SMOC1: variants seen among roughly 807,000 people sequenced by gnomAD.
SMOC1 encodes SPARC related modular calcium binding 1, also known as SPARC-related modular calcium-binding protein 1.
In SMOC1, 22 loss-of-function variants were observed where a neutral mutation model predicts 56.3. The observed-to-expected ratio is 0.39, with a 90% CI of 0.28 to 0.56. SMOC1 has a LOEUF of 0.56. SMOC1 is among the 20% of genes least tolerant of loss of function. The probability of loss-of-function intolerance (pLI) is 0.61; values close to 1 mark genes in which losing one functional copy is unlikely to be tolerated. For missense variants in SMOC1, 509 were observed against 565.4 expected (o/e 0.90, Z 1.01); for synonymous variants, 193 against 215.0 (o/e 0.90, Z 0.89).
At chr14:69,881,102 G>A (rs947901377) in intron 1 of SMOC1, among the ~76,000 whole-genome samples, 6 of 152,240 alleles carry the variant, frequency 3.9e-5, no homozygotes, top group African/African-American at 9.6e-5. Flanking sequence ...GATCCAGGGC[G>A]TGTCATAAAT....
At chr14:69,888,011 G>C (rs191590408) in intron 1 of SMOC1, among the ~76,000 whole-genome samples, 224 of 152,256 alleles carry the variant, frequency 1.5e-3, no homozygotes, top group African/African-American at 5.3e-3. Flanking sequence ...CTTTCTCTCT[G>C]GGCCACATAG....
At chr14:69,964,991 A>G (rs1281249910) in intron 3 of SMOC1, among the ~76,000 whole-genome samples, 1 of 152,184 alleles carries the variant, frequency 6.6e-6, no homozygotes, top group East Asian at 1.9e-4. Flanking sequence ...ACTAGGGCAT[A>G]TTCAGGAGGG....
At chr14:69,898,960 A>G (rs375270323) in intron 1 of SMOC1, among the ~76,000 whole-genome samples, 2 of 152,150 alleles carry the variant, frequency 1.3e-5, no homozygotes, top group Non-Finnish European at 1.5e-5. Flanking sequence ...GAAGCATTCT[A>G]TAGTCCTATG....
chr14:69,898,522 A>G (rs1261951796), intron 1 of SMOC1, among the ~76,000 whole-genome samples: 2 of 151,160 alleles, frequency 1.3e-5, no homozygotes, highest in Non-Finnish European at 2.9e-5. Context: ...TTCTATTGCC[A>G]TATCCTCAAG....
chr14:69,987,751 A>G (rs958019175), intron 5 of SMOC1, among the ~76,000 whole-genome samples: 2 of 152,206 alleles, frequency 1.3e-5, no homozygotes, highest in African/African-American at 4.8e-5. Context: ...TCAAAAAGCC[A>G]AACAGAGGAG....
chr14:69,958,561 A>C (rs2139456290), intron 3 of SMOC1, among the ~76,000 whole-genome samples: 1 of 152,348 alleles, frequency 6.6e-6, no homozygotes, highest in South Asian at 2.1e-4. Context: ...GGTCAGATAA[A>C]GGGAAAAGGG....
At chr14:69,962,382 C>T (rs968431486) in intron 3 of SMOC1, among the ~76,000 whole-genome samples, 3 of 152,122 alleles carry the variant, frequency 2.0e-5, no homozygotes, top group African/African-American at 7.2e-5. Context: ...CCAGGCTGGT[C>T]TTAAACTCCT....
At chr14:69,983,416 C>T (rs1416118562) in intron 5 of SMOC1, among the ~76,000 whole-genome samples, 1 of 152,212 alleles carries the variant, frequency 6.6e-6, no homozygotes, top group Non-Finnish European at 1.5e-5. Context: ...CAGGCCTCAC[C>T]TCCTGGAGCT....
At chr14:70,001,795 T>A (rs80330246) in intron 7 of SMOC1, among the ~76,000 whole-genome samples, 34 of 152,342 alleles carry the variant, frequency 2.2e-4, no homozygotes, top group Non-Finnish European at 4.9e-4. Flanking sequence ...GTGAGGCATG[T>A]GCAAGAGTTA....
intron 1 of SMOC1, among the ~76,000 whole-genome samples, chr14:69,887,682 ACC>A (rs1883847082): frequency 6.6e-6 from 1 of 152,244 alleles, no homozygotes; most frequent in Non-Finnish European, 1.5e-5. Flanking sequence ...TGGCTTCTAG[ACC>A]CAGAGCAGAC....
At chr14:69,954,804 G>A (rs529899608) in intron 3 of SMOC1, among the ~76,000 whole-genome samples, 44 of 152,306 alleles carry the variant, frequency 2.9e-4, no homozygotes, top group African/African-American at 9.6e-4. Flanking sequence ...AAGTTCCCCT[G>A]TAATTCTCGA....
intron 1 of SMOC1, among the ~76,000 whole-genome samples, chr14:69,894,022 A>G (rs1006725564): frequency 6.6e-6 from 1 of 152,234 alleles, no homozygotes; most frequent in Non-Finnish European, 1.5e-5. Flanking sequence ...CAACCCTGCC[A>G]GCATCTTGAT....
chr14:69,976,658 T>C (rs549611767), intron 4 of SMOC1, among the ~76,000 whole-genome samples: 2 of 152,224 alleles, frequency 1.3e-5, no homozygotes, highest in South Asian at 2.1e-4. Context: ...TAAAAGACTC[T>C]GAGTCGCTCC....
chr14:69,880,342 G>A (rs1566658589), intron 1 of SMOC1, among the ~76,000 whole-genome samples: 1 of 152,052 alleles, frequency 6.6e-6, no homozygotes, highest in Non-Finnish European at 1.5e-5. Context: ...AAGAGGGTCA[G>A]AGGTGGGGTA....
intron 5 of SMOC1, among the ~76,000 whole-genome samples, chr14:69,984,482 C>T (rs1164395105): frequency 6.6e-6 from 1 of 152,058 alleles, no homozygotes; most frequent in Non-Finnish European, 1.5e-5. Flanking sequence ...ACCGTCTATC[C>T]AACATAGGAC....
rs1444520555 is a variant in SMOC1, at chr14:70,010,723, T to C, written c.665-31T>C. 2.5e-6 allele frequency: 4 copies of C among 1,611,318 alleles called. No homozygotes were observed. The African/African-American group carries it at 4.0e-5, about 16-fold the overall frequency. ...CAGGAGTGTTAAATCACAGGAGTGA[T>C]AGTCACCACAGGCTGTGTCTTCTCT... On this transcript the variant is annotated intron_variant, in intron 7 of 11. Coordinates refer to ENST00000361956, the MANE Select transcript of SMOC1 (RefSeq NM_001034852.3).
chr14:69,949,703 T>C (rs1327533616), intron 1 of SMOC1, among the ~76,000 whole-genome samples: 1 of 152,028 alleles, frequency 6.6e-6, no homozygotes, highest in African/African-American at 2.4e-5. Context: ...CAGAGGTAGC[T>C]CATTTGATAA....
chr14:69,972,342 T>C (rs1245034962), intron 3 of SMOC1, among the ~76,000 whole-genome samples: 1 of 152,208 alleles, frequency 6.6e-6, no homozygotes, highest in Non-Finnish European at 1.5e-5. Context: ...TAAGAGCTTG[T>C]GCTCGGCCAC....
At chr14:69,993,752 T>A (rs2139547677) in intron 6 of SMOC1, among the ~76,000 whole-genome samples, 1 of 152,284 alleles carries the variant, frequency 6.6e-6, no homozygotes, top group East Asian at 1.9e-4. Context: ...AGGTGAGGGA[T>A]GGAGACTGTC....
Sources: gnomAD v4.1 joint callset for allele counts (sites outside exome capture counted in the v4.1 genomes callset) on GRCh38, gnomAD v4.1.1 for gene constraint, MANE v1.5 for transcripts, NCBI Gene and HGNC (gene_info 2026-07-23, HGNC 2026-07-21) for gene names.